POLN: variants seen among roughly 807,000 people sequenced by gnomAD.
POLN encodes DNA polymerase nu, also known as DNA polymerase N.
In POLN, 108 loss-of-function variants were observed where a neutral mutation model predicts 113.5. The observed-to-expected ratio is 0.95, with a 90% CI of 0.81 to 1.12. The LOEUF is 1.12. Among genes scored for constraint, POLN ranks in the 50% most tolerant of loss-of-function variants. POLN has a pLI of 0.00. For missense variants in POLN, 1,097 were observed against 1,077.1 expected, an observed-to-expected ratio of 1.02 and a Z score of -0.26; for synonymous variants, 386 against 391.5, an observed-to-expected ratio of 0.99 and a Z score of 0.17.
chr4:2,146,530 TA>T (rs1399239885), intron 16 of POLN, among the ~76,000 whole-genome samples: 1 of 151,966 alleles, frequency 6.6e-6, no homozygotes, highest in Non-Finnish European at 1.5e-5. Context: ...AGCACTCAAG[TA>T]ATGTTGAAGC....
At position 2,173,940 on chromosome 4, in the gene POLN, GGA is replaced by G; in HGVS notation, c.1374+13_1374+14del. 6.2e-7 allele frequency: 1 copy of G among 1,612,828 alleles called. No homozygotes were observed. ...AAGAGATGGCCAGTACAAACCATCT[GGA>G]ATAATAACTTACCCCAAGAAGTGCT... On this transcript the variant is annotated intron_variant, in intron 11 of 25. Transcript: ENST00000511885.
At chr4:2,164,802 CAAAAAAAAAAAAAAAAAAAAAAAAAA>C (rs33935159) in intron 13 of POLN, among the ~76,000 whole-genome samples, 8 of 28,688 alleles carry the variant, frequency 2.8e-4, no homozygotes, top group Admixed American at 1.0e-3. Context: ...GACTCTGTCT[CAAAAAAAAAAAAAAAAAAAAAAAAAA>C]AAAAAAAAAA....
At chr4:2,192,034 G>C (rs1205723763) in intron 7 of POLN, among the ~76,000 whole-genome samples, 2 of 147,166 alleles carry the variant, frequency 1.4e-5, no homozygotes, top group Non-Finnish European at 3.0e-5. Flanking sequence ...AGAATCACTT[G>C]AACCAGGGAG....
intron 16 of POLN, among the ~76,000 whole-genome samples, chr4:2,152,775 C>A (rs980112016): frequency 6.6e-6 from 1 of 152,100 alleles, no homozygotes; most frequent in Non-Finnish European, 1.5e-5. Context: ...TGAGGACAGC[C>A]TGTCTAAGAT....
At chr4:2,215,299 A>C (rs529718417) in intron 3 of POLN, among the ~76,000 whole-genome samples, 1 of 152,336 alleles carries the variant, frequency 6.6e-6, no homozygotes, top group South Asian at 2.1e-4. Flanking sequence ...ATTTTTAAAA[A>C]TAATGACCAA....
intron 16 of POLN, among the ~76,000 whole-genome samples, chr4:2,135,227 G>A (rs927602466): frequency 2.0e-5 from 3 of 152,158 alleles, no homozygotes; most frequent in African/African-American, 7.2e-5. Context: ...GAGTGAGGCT[G>A]GGGAAATCAG....
chr4:2,072,086 A>T lies in POLN; in HGVS notation c.*28T>A, dbSNP rs1373454936. ...GCCACACAATGGACTGCTGGAAACC[A>T]GTTCTCTCCTCCCACTGTTGCCTGG... On this transcript the variant is annotated 3_prime_UTR_variant, in exon 26 of 26. Transcript: ENST00000511885. 1 of 1,610,718 alleles carries T rather than the reference A, an allele frequency of 6.2e-7. No individual in the cohort carries two copies. The highest frequency in any genetic ancestry group is 1.3e-5 in the African/African-American group (1 of 74,916).
chr4:2,194,994 G>A (rs1452292656), intron 6 of POLN, among the ~76,000 whole-genome samples: 1 of 152,098 alleles, frequency 6.6e-6, no homozygotes, highest in African/African-American at 2.4e-5. Flanking sequence ...TTCCTCCTCT[G>A]TAAAATGGAG....
At chr4:2,115,221 TA>T (rs1731287206) in intron 19 of POLN, among the ~76,000 whole-genome samples, 1 of 88,416 alleles carries the variant, frequency 1.1e-5, no homozygotes, top group Non-Finnish European at 2.2e-5. Flanking sequence ...TATATATATA[TA>T]TATATATTTT....
Position 2,114,823 on chromosome 4 carries a change from T to C in POLN, c.1982+13290A>G, listed in dbSNP as rs528474089. On this transcript the variant is annotated intron_variant, in intron 19 of 25. Transcript: ENST00000511885. Reference sequence around the variant, plus strand: ...CTCAGCCATCATACCTTCCAATATTTCTTTTACCTTATTCTCTCTCTTCTG... The same window carrying C: ...CTCAGCCATCATACCTTCCAATATTCCTTTTACCTTATTCTCTCTCTTCTG... 5.6e-4 allele frequency among the ~76,000 whole-genome samples: 85 copies of C among 152,166 alleles called. 1 individual carries two copies. Among genetic ancestry groups the C allele is most frequent in the African/African-American group, 2.0e-3 (81 of 41,524 alleles).
At chr4:2,128,524 T>A (rs2108724510) in intron 18 of POLN, among the ~76,000 whole-genome samples, 1 of 151,898 alleles carries the variant, frequency 6.6e-6, no homozygotes, top group South Asian at 2.1e-4. Context: ...TGACATTGAG[T>A]AAAGGCACGG....
At chr4:2,222,152 A>G (rs1734273660) in intron 3 of POLN, among the ~76,000 whole-genome samples, 1 of 152,138 alleles carries the variant, frequency 6.6e-6, no homozygotes, top group African/African-American at 2.4e-5. Context: ...CCGATACTCA[A>G]GATTTTTTTT....
rs34199144 is a variant in POLN at position 2,117,143 on chromosome 4, G to A, written c.1982+10970C>T. On this transcript the variant is annotated intron_variant, in intron 19 of 25. Transcript: ENST00000511885. Reference sequence around the variant, plus strand: ...GGGATTGTGGCCCAGACTACATCTGGGTCACTGGTGGTTGTCATGGCAGAA... The same window carrying A: ...GGGATTGTGGCCCAGACTACATCTGAGTCACTGGTGGTTGTCATGGCAGAA... Among the ~76,000 whole-genome samples, 914 of 152,218 alleles carry A rather than the reference G, an allele frequency of 6.0e-3. 14 individuals are homozygous for A. Among genetic ancestry groups the A allele is most frequent in the African/African-American group, 0.021 (854 of 41,514 alleles).
chr4:2,101,577 C>G (rs771486063), intron 19 of POLN, among the ~76,000 whole-genome samples: 12 of 152,362 alleles, frequency 7.9e-5, no homozygotes, highest in Non-Finnish European at 1.5e-4. Context: ...CCCAGTCCTG[C>G]TCCAGGGAGG....
chr4:2,162,953 G>A (rs755311764), intron 13 of POLN, among the ~76,000 whole-genome samples: 5 of 136,680 alleles, frequency 3.7e-5, no homozygotes, highest in African/African-American at 1.4e-4. Context: ...GATCCCCCGC[G>A]CCCAGATTAT....
At chr4:2,224,936 G>A (rs578035965) in intron 3 of POLN, among the ~76,000 whole-genome samples, 1 of 151,784 alleles carries the variant, frequency 6.6e-6, no homozygotes, top group East Asian at 1.9e-4. Flanking sequence ...GGTGACAAGA[G>A]TGAAACTCTG....
intron 19 of POLN, among the ~76,000 whole-genome samples, chr4:2,100,664 C>T (rs543977022): frequency 6.6e-6 from 1 of 151,976 alleles, no homozygotes; most frequent in South Asian, 2.1e-4. Flanking sequence ...AACAGTCAGG[C>T]CAAAGTTAAA....
intron 4 of POLN, among the ~76,000 whole-genome samples, chr4:2,209,608 T>G (rs1276654821): frequency 6.6e-6 from 1 of 151,282 alleles, no homozygotes; most frequent in African/African-American, 2.4e-5. Flanking sequence ...CATTTCATTA[T>G]AGGACTTATT....
At chr4:2,088,319 C>T (rs1730594428) in intron 20 of POLN, among the ~76,000 whole-genome samples, 1 of 152,132 alleles carries the variant, frequency 6.6e-6, no homozygotes, top group Admixed American at 6.5e-5. Context: ...ATAATCTTCA[C>T]ACTAAACTAT....
Sources: allele counts gnomAD v4.1 joint callset (sites outside exome capture counted in the v4.1 genomes callset), GRCh38; gene constraint gnomAD v4.1.1; transcripts MANE v1.5; gene names NCBI Gene and HGNC (gene_info 2026-07-23, HGNC 2026-07-21).